The following MADD variants were observed in gnomAD, a reference collection of about 807,000 sequenced individuals.
MADD encodes MAP kinase activating death domain.
Under a neutral mutation model 176.7 loss-of-function variants are expected in MADD, and 109 were observed. The ratio of observed to expected loss-of-function variants is 0.62; its 90% confidence interval spans 0.53 to 0.72. MADD has a LOEUF of 0.72. MADD is among the 30% of genes least tolerant of loss of function. MADD has a pLI of 0.00. For missense variants in MADD, 1,914 were observed against 2,045.5 expected (o/e 0.94, Z 1.24); for synonymous variants, 771 against 771.3 (o/e 1.00, Z 0.01).
rs376187236 is a variant in MADD at position 47,289,256 on chromosome 11, C to T, written c.2654-135C>T. 33 of 820,588 alleles carry T rather than the reference C, an allele frequency of 4.0e-5. No individual in the cohort carries two copies. In the Admixed American group the frequency reaches 5.8e-4, roughly 14 times the overall value. 50.8% of individuals were successfully genotyped at this position (820,588 alleles called of 1,614,324 possible). ...CATTGCCATGGCTGGTTTCTACCTA[C>T]GTATGATGCCTTGGTGCTACCCTCA... On this transcript the variant is annotated intron_variant, in intron 15 of 32. Transcript: ENST00000402192.
intron 7 of MADD, 105 bp from the exon 8 acceptor site, chr11:47,281,470 A>G: frequency 1.2e-6 from 1 of 850,560 alleles, no homozygotes; most frequent in Non-Finnish European, 1.7e-6. Flanking sequence ...TTTTGACCAG[A>G]GAATACGAGG....
chr11:47,285,073 C>T (rs1300821497), exon 13 of MADD: 13 of 1,614,106 alleles, frequency 8.1e-6, no homozygotes, highest in East Asian at 2.2e-5. Flanking sequence ...GGGGTCAGTG[C>T]GCCGGCGAAT....
chr11:47,310,686 A>G (rs2087912316), intron 25 of MADD, among the ~76,000 whole-genome samples: 1 of 132,642 alleles, frequency 7.5e-6, no homozygotes, highest in African/African-American at 2.9e-5. Flanking sequence ...CGGGCAGATC[A>G]CCTGAGGTCA....
chr11:47,271,761 C>T (rs1189150154), intron 1 of MADD, among the ~76,000 whole-genome samples: 2 of 151,448 alleles, frequency 1.3e-5, no homozygotes, highest in East Asian at 1.9e-4. Context: ...GACAGGTTAA[C>T]TACATAATTC....
rs184879973 is a variant in MADD, at chr11:47,298,782, G to A, written c.3642+2727G>A. 5.3e-5 allele frequency among the ~76,000 whole-genome samples: 8 copies of A among 152,258 alleles called. No homozygotes were observed. In the Middle Eastern group the frequency reaches 0.017, roughly 324 times the overall value. ...CAATGTCCTGAAGCATTTCTGCTAC[G>A]TTTTCTTCTAGTAGTTTTATAGTTT... On this transcript the variant is annotated intron_variant, in intron 22 of 32. Transcript: ENST00000402192.
intron 12 of MADD, 74 bp from the exon 13 acceptor site, chr11:47,284,867 C>T (rs762566389): frequency 1.2e-5 from 19 of 1,575,854 alleles, no homozygotes; most frequent in Admixed American, 1.7e-5. Context: ...CCTGGTCCAG[C>T]CCTGCCAAAC....
chr11:47,290,543 C>A, intron 18 of MADD, 67 bp from the exon 20 acceptor site: 1 of 1,493,534 alleles, frequency 6.7e-7, no homozygotes, highest in South Asian at 1.2e-5. Flanking sequence ...CTGGCTCCTC[C>A]CACCTCATAT....
intron 1 of MADD, among the ~76,000 whole-genome samples, chr11:47,271,614 T>G: frequency 6.6e-6 from 1 of 152,166 alleles, no homozygotes. Context: ...TGGAGAGGGC[T>G]CCGGGTTTTC....
intron 25 of MADD, among the ~76,000 whole-genome samples, chr11:47,311,280 A>T (rs1017964503): frequency 6.6e-6 from 1 of 151,816 alleles, no homozygotes; most frequent in Non-Finnish European, 1.5e-5. Flanking sequence ...GTTGCACTGT[A>T]CTCTGTGGAA....
At chr11:47,282,567 G>C in exon 9 of MADD, 1 of 1,614,186 alleles carries the variant, frequency 6.2e-7, no homozygotes, top group Non-Finnish European at 8.5e-7. Flanking sequence ...AGTACTTTGG[G>C]GAATGGATCC....
At chr11:47,304,278 T>A (rs1032206226) in intron 22 of MADD, among the ~76,000 whole-genome samples, 1 of 151,768 alleles carries the variant, frequency 6.6e-6, no homozygotes, top group African/African-American at 2.4e-5. Context: ...TTGCCTAGGC[T>A]GGAATGCAAT....
chr11:47,308,967 C>T lies in MADD; in HGVS notation c.3751+268C>T. On this transcript the variant is annotated intron_variant, in intron 23 of 32. Transcript: ENST00000402192. The stretch of plus-strand genomic sequence containing the variant: ...TCTTGCTACCATGGTCCTTCCTGCT[C>T]TCAAATTGGCAGGAAGGGACAAAGG... The T allele has an allele frequency of 6.2e-7, 1 of 1,612,292 alleles. No homozygotes were observed. The highest frequency in any genetic ancestry group is 1.3e-5 in the African/African-American group (1 of 74,988).
upstream of MADD, chr11:47,269,549 A>C (rs326215): frequency 1 from 152,330 of 152,346 alleles, 76,157 homozygotes; most frequent in Non-Finnish European, 1. Context: ...GGATGTCCTG[A>C]GGCGGGGCTG....
chr11:47,275,215 G>T (rs145901670), intron 3 of MADD, 56 bp downstream of exon 3: 2 of 1,462,764 alleles, frequency 1.4e-6, no homozygotes, highest in East Asian at 4.5e-5. Context: ...CCATGTAATT[G>T]GTCTTTGAGG....
intron 20 of MADD, among the ~76,000 whole-genome samples, chr11:47,294,358 A>AAAAAAT (rs1565408518): frequency 2.6e-5 from 3 of 117,294 alleles, no homozygotes; most frequent in South Asian, 2.9e-4. Flanking sequence ...CAAAAAAAAA[A>AAAAAAT]AAAAATAAAA....
At chr11:47,308,691 G>T in exon 23 of MADD, 1 of 1,613,130 alleles carries the variant, frequency 6.2e-7, no homozygotes, top group South Asian at 1.1e-5. Flanking sequence ...CTCTATGAGG[G>T]ACTCCTAGGT....
chr11:47,329,401 G>C (rs2095807525), exon 33 of MADD: 1 of 525,994 alleles, frequency 1.9e-6, no homozygotes. Context: ...TGTACAGTCT[G>C]TGGGGCCGGT....
chr11:47,290,477 A>T (rs2064207858), intron 18 of MADD, 133 bp from the exon 20 acceptor site: 2 of 1,257,608 alleles, frequency 1.6e-6, no homozygotes. Context: ...GTTACGAAAA[A>T]TAAGACATCA....
rs1210924888 is a variant in MADD at position 47,278,993 on chromosome 11, G to C, written c.1210-6G>C. ...GGTCACGTCTTTTATCATTTCTCTG[G>C]TGCAGGTGATTGCCCCCACCAATGC... On this transcript the variant is annotated splice_polypyrimidine_tract_variant and splice_region_variant and intron_variant, in intron 6 of 32. Coordinates refer to ENST00000402192, the Ensembl canonical transcript of MADD. 6.2e-7 allele frequency: 1 copy of C among 1,613,474 alleles called. No individual in the cohort carries two copies. Among genetic ancestry groups the C allele is most frequent in the Admixed American group, 1.7e-5 (1 of 60,002 alleles).
Sources: allele counts gnomAD v4.1 joint callset (sites outside exome capture counted in the v4.1 genomes callset), GRCh38; gene constraint gnomAD v4.1.1; transcripts MANE v1.5; gene names NCBI Gene and HGNC (gene_info 2026-07-23, HGNC 2026-07-21).